Variants in MAL observed in about 807,000 individuals in gnomAD.
The protein encoded by MAL is myelin and lymphocyte protein.
MAL carries 5 observed loss-of-function variants against 16.7 expected under a neutral mutation model. The observed-to-expected ratio is 0.30, with a 90% confidence interval of 0.16 to 0.63. MAL has a LOEUF of 0.63. Ranked by LOEUF, MAL falls within the 30% of genes least tolerant of loss-of-function variation. The pLI is 0.82. For synonymous variants in MAL, 96 were observed against 85.5 expected (o/e 1.12, Z -0.67); for missense variants, 202 against 195.8 (o/e 1.03, Z -0.19).
At chr2:95,043,326 A>G (rs921381279) in intron 1 of MAL, among the ~76,000 whole-genome samples, 2 of 152,232 alleles carry the variant, frequency 1.3e-5, no homozygotes, top group Non-Finnish European at 2.9e-5. Context: ...ATGAACGACA[A>G]CTTATTCCCA....
At chr2:95,026,169 C>G (rs1318203334) in intron 1 of MAL, among the ~76,000 whole-genome samples, 2 of 152,056 alleles carry the variant, frequency 1.3e-5, no homozygotes, top group African/African-American at 2.4e-5. Flanking sequence ...GGGGACGGCT[C>G]TTGGTTCGCT....
intron 2 of MAL, 126 bp from the exon 3 acceptor site, chr2:95,049,454 GT>G (rs1159598266): frequency 9.6e-6 from 12 of 1,244,874 alleles, no homozygotes; most frequent in Admixed American, 2.0e-5. Flanking sequence ...CCGTGACAAG[GT>G]TGGGAGGGGT....
chr2:95,038,992 CTGAG>C (rs1252565804), intron 1 of MAL, among the ~76,000 whole-genome samples: 1 of 115,440 alleles, frequency 8.7e-6, no homozygotes, highest in East Asian at 2.7e-4. Flanking sequence ...GACCGAGTGA[CTGAG>C]TGAGTGACTG....
intron 1 of MAL, among the ~76,000 whole-genome samples, chr2:95,042,932 G>C (rs899902253): frequency 3.9e-5 from 6 of 152,220 alleles, no homozygotes; most frequent in Non-Finnish European, 7.3e-5. Context: ...TGTACATTTA[G>C]TAGGTGGAGC....
At chr2:95,033,413 G>A (rs1674133758) in intron 1 of MAL, among the ~76,000 whole-genome samples, 2 of 152,136 alleles carry the variant, frequency 1.3e-5, no homozygotes, top group Admixed American at 1.3e-4. Context: ...GAGACTCATT[G>A]TTTCAGTGGC....
rs2104366426 is a variant in MAL at position 95,053,624 on chromosome 2, G to A, written c.*169G>A. ...CTGCCCTGTTGCTCGTGGGTGCTGT[G>A]TTTACTCTCCCGTGTGCCTTCGCGT... On this transcript the variant is annotated 3_prime_UTR_variant, in exon 4 of 4. Coordinates refer to ENST00000309988, the MANE Select transcript of MAL (RefSeq NM_002371.4). 3.3e-6 allele frequency: 2 copies of A among 614,772 alleles called. No individual in the cohort carries two copies. The highest frequency in any genetic ancestry group is 2.9e-5 in the Admixed American group (1 of 34,440). 38.1% of individuals were successfully genotyped at this position (614,772 alleles called of 1,614,324 possible). A position where few individuals can be genotyped will look rare whatever the true frequency, so the allele number is the denominator to read the frequency against.
intron 3 of MAL, among the ~76,000 whole-genome samples, chr2:95,051,037 G>T (rs1378279801): frequency 3.3e-5 from 5 of 152,176 alleles, no homozygotes; most frequent in Non-Finnish European, 1.5e-5. Context: ...TAAAATTGTT[G>T]TGAACAAAGG....
chr2:95,043,510 G>A (rs1573297763), intron 1 of MAL, among the ~76,000 whole-genome samples: 1 of 152,216 alleles, frequency 6.6e-6, no homozygotes, highest in Non-Finnish European at 1.5e-5. Context: ...GACTTCGGAG[G>A]ACAGCTCCTC....
At chr2:95,040,996 T>C (rs1674448694) in intron 1 of MAL, among the ~76,000 whole-genome samples, 1 of 151,944 alleles carries the variant, frequency 6.6e-6, no homozygotes, top group Non-Finnish European at 1.5e-5. Context: ...AAGCCTTGCC[T>C]GGGAAGACCT....
chr2:95,049,837 C>T, intron 3 of MAL, 131 bp downstream of exon 3: 1 of 1,334,340 alleles, frequency 7.5e-7, no homozygotes, highest in Non-Finnish European at 1.0e-6. Flanking sequence ...ACCTTGCCTT[C>T]ATGCCTGGAG....
At chr2:95,033,911 AG>A (rs1412148504) in intron 1 of MAL, among the ~76,000 whole-genome samples, 6 of 152,248 alleles carry the variant, frequency 3.9e-5, no homozygotes, top group Non-Finnish European at 5.9e-5. Flanking sequence ...GAACGTGGGC[AG>A]GTAACTGTGC....
At chr2:95,046,314 G>A (rs1257526430) in intron 1 of MAL, among the ~76,000 whole-genome samples, 1 of 152,120 alleles carries the variant, frequency 6.6e-6, no homozygotes, top group Non-Finnish European at 1.5e-5. Context: ...ACTTTTGGCT[G>A]CAAAGGAATC....
chr2:95,050,442 T>C (rs1024265202), intron 3 of MAL, among the ~76,000 whole-genome samples: 3 of 152,240 alleles, frequency 2.0e-5, no homozygotes, highest in African/African-American at 7.2e-5. Flanking sequence ...TTCAGATCTC[T>C]AGAACTTAAC....
intron 1 of MAL, among the ~76,000 whole-genome samples, chr2:95,044,973 C>G (rs866857637): frequency 1.3e-5 from 2 of 152,236 alleles, no homozygotes; most frequent in African/African-American, 4.8e-5. Flanking sequence ...TGAGGACTAC[C>G]TTCTCAGATT....
chr2:95,038,184 G>GAC (rs1674299814), intron 1 of MAL, among the ~76,000 whole-genome samples: 2 of 145,594 alleles, frequency 1.4e-5, no homozygotes, highest in African/African-American at 2.6e-5. Flanking sequence ...GAGTGACTGT[G>GAC]TGAGTTACTG....
At chr2:95,039,707 A>G (rs1185438584) in intron 1 of MAL, among the ~76,000 whole-genome samples, 1 of 136,392 alleles carries the variant, frequency 7.3e-6, no homozygotes, top group Non-Finnish European at 1.6e-5. Flanking sequence ...TGAGTGACTG[A>G]GTGAGGACTG....
intron 3 of MAL, among the ~76,000 whole-genome samples, chr2:95,052,514 C>T (rs1166698720): frequency 6.6e-6 from 1 of 152,216 alleles, no homozygotes; most frequent in African/African-American, 2.4e-5. Flanking sequence ...AGCAGGCACC[C>T]TGAGGGCTGG....
chr2:95,046,305 CT>C (rs1021918440), intron 1 of MAL, among the ~76,000 whole-genome samples: 23 of 152,304 alleles, frequency 1.5e-4, no homozygotes, highest in African/African-American at 5.3e-4. Flanking sequence ...ACCTTGGAGA[CT>C]TTTGGCTGCA....
intron 1 of MAL, among the ~76,000 whole-genome samples, chr2:95,040,348 C>T (rs1573295627): frequency 1.3e-5 from 2 of 152,216 alleles, no homozygotes; most frequent in South Asian, 2.1e-4. Flanking sequence ...CATGTGCATA[C>T]ATACACATAC....
Sources: gnomAD v4.1 joint callset for allele counts (sites outside exome capture counted in the v4.1 genomes callset) on GRCh38, gnomAD v4.1.1 for gene constraint, MANE v1.5 for transcripts, NCBI Gene and HGNC (gene_info 2026-07-23, HGNC 2026-07-21) for gene names.